Variants in DNAAF1 observed in about 807,000 individuals in gnomAD.
DNAAF1 encodes dynein assembly factor 1, axonemal.
In DNAAF1, 65 loss-of-function variants were observed where a neutral mutation model predicts 71.1. The ratio of observed to expected loss-of-function variants is 0.91; its 90% CI spans 0.75 to 1.12. The LOEUF is 1.12. Among genes scored for constraint, DNAAF1 ranks in the 50% most tolerant of loss-of-function variants. The probability of loss-of-function intolerance (pLI) is 0.00; values close to 1 mark genes in which losing one functional copy is unlikely to be tolerated. For synonymous variants in DNAAF1, 414 were observed against 354.6 expected (o/e 1.17, Z -1.88); for missense variants, 1,178 against 899.8 (o/e 1.31, Z -3.96).
At chr16:84,164,581 T>G (rs970574779) in intron 6 of DNAAF1, among the ~76,000 whole-genome samples, 5 of 152,218 alleles carry the variant, frequency 3.3e-5, no homozygotes, top group Admixed American at 3.3e-4. Context: ...TCCATGACTT[T>G]GTGTGGCTTG....
At chr16:84,163,118 G>C (rs892642175) in intron 6 of DNAAF1, among the ~76,000 whole-genome samples, 4 of 152,168 alleles carry the variant, frequency 2.6e-5, no homozygotes, top group Admixed American at 2.6e-4. Context: ...TCAGAAATTA[G>C]GGTTGTTTTC....
At chr16:84,146,546 G>A (rs2086920392) in intron 1 of DNAAF1, among the ~76,000 whole-genome samples, 2 of 152,124 alleles carry the variant, frequency 1.3e-5, no homozygotes, top group African/African-American at 4.8e-5. Flanking sequence ...TTGAAACCCT[G>A]TCTTTGCTAA....
At chr16:84,146,645 A>G (rs2086925958) in intron 1 of DNAAF1, among the ~76,000 whole-genome samples, 1 of 151,974 alleles carries the variant, frequency 6.6e-6, no homozygotes, top group Admixed American at 6.6e-5. Context: ...TGAACCCCGG[A>G]GGCAGAGGTT....
chr16:84,176,548 T>C, intron 11 of DNAAF1: 1 of 598,102 alleles, frequency 1.7e-6, no homozygotes, highest in Admixed American at 2.7e-5. Flanking sequence ...CGAGTCTGAC[T>C]GTGTGTGGGG....
chr16:84,162,545 G>T (rs575686689), intron 6 of DNAAF1, among the ~76,000 whole-genome samples: 1 of 152,100 alleles, frequency 6.6e-6, no homozygotes, highest in South Asian at 2.1e-4. Flanking sequence ...TACTGGATGG[G>T]CATGGTGGCT....
chr16:84,165,811 G>A lies in DNAAF1; in HGVS notation c.892G>A (p.Gly298Arg), dbSNP rs1232153748. The change falls in exon 7 of 12, where the codon GGG becomes AGG. Residue 298 changes from glycine to arginine, a missense_variant. By Grantham distance (125) the Gly-to-Arg change is moderately radical. Transcript: ENST00000378553. Reference sequence around the variant, plus strand: ...TTGTGCGGAGGCCTGGGCTAGGGGAGGGTACGCAGCTGAAAAGGAGGAGAG... The same window carrying A: ...TTGTGCGGAGGCCTGGGCTAGGGGAAGGTACGCAGCTGAAAAGGAGGAGAG... ...RACAEAWARG[G>R]YAAEKEERQQ... The A allele has an allele frequency of 3.7e-6, 6 of 1,613,700 alleles. No homozygotes were observed. The African/African-American group carries it at 4.0e-5, about 11-fold the overall frequency.
At chr16:84,151,641 C>G (rs1460585996) in intron 3 of DNAAF1, among the ~76,000 whole-genome samples, 1 of 152,226 alleles carries the variant, frequency 6.6e-6, no homozygotes, top group African/African-American at 2.4e-5. Context: ...GCAACTTCAA[C>G]TCATGATCTC....
At chr16:84,149,194 C>T (rs760495385) in intron 2 of DNAAF1, 52 bp downstream of exon 2, 11 of 1,602,728 alleles carry the variant, frequency 6.9e-6, no homozygotes, top group East Asian at 4.5e-5. Context: ...AGGTAGATGG[C>T]GTAATCACCC....
At chr16:84,154,093 C>T (rs1264626480) in intron 3 of DNAAF1, among the ~76,000 whole-genome samples, 1 of 152,142 alleles carries the variant, frequency 6.6e-6, no homozygotes, top group African/African-American at 2.4e-5. Flanking sequence ...AGAAAAGTTG[C>T]TACTGGAGGA....
At chr16:84,172,405 G>T in intron 9 of DNAAF1, 30 bp downstream of exon 9, 1 of 1,611,262 alleles carries the variant, frequency 6.2e-7, no homozygotes, top group Non-Finnish European at 8.5e-7. Context: ...TTGGAGATAA[G>T]TATCAGTTTT....
At chr16:84,168,075 G>A (rs1469348326) in intron 7 of DNAAF1, among the ~76,000 whole-genome samples, 1 of 151,886 alleles carries the variant, frequency 6.6e-6, no homozygotes, top group East Asian at 1.9e-4. Flanking sequence ...TGGGTCAGAA[G>A]CCCAAAATGG....
chr16:84,176,256 C>T lies in DNAAF1; in HGVS notation c.2022C>T (p.Ser674=). Reference sequence around the variant, plus strand: ...AAAGAGATGCTGCACCACTCACTTCCAGTGGAGACAGGGACAGCGACTTCC... The same window carrying T: ...AAAGAGATGCTGCACCACTCACTTCTAGTGGAGACAGGGACAGCGACTTCC... ...TCQRDAAPLT[S]SGDRDSDFLA... is the part of the protein sequence containing the mutation. The change falls in exon 11 of 12, where the codon TCC becomes TCT. Residue 674 remains serine, a synonymous_variant. Coordinates refer to ENST00000378553, the MANE Select transcript of DNAAF1 (RefSeq NM_178452.6). The T allele has an allele frequency of 1.2e-6, 2 of 1,613,648 alleles. No homozygotes were observed. Among genetic ancestry groups the T allele is most frequent in the Non-Finnish European group, 8.5e-7 (1 of 1,180,020 alleles).
intron 3 of DNAAF1, among the ~76,000 whole-genome samples, chr16:84,154,070 G>T (rs1413276615): frequency 6.6e-6 from 1 of 152,200 alleles, no homozygotes; most frequent in Non-Finnish European, 1.5e-5. Context: ...TTAGGAAAAG[G>T]ATGGTTCCTC....
chr16:84,150,977 T>C (rs1327309787), intron 3 of DNAAF1, among the ~76,000 whole-genome samples: 1 of 152,038 alleles, frequency 6.6e-6, no homozygotes, highest in Non-Finnish European at 1.5e-5. Flanking sequence ...GAGGTATATG[T>C]TGGGAAGGAT....
rs2088260630 is a variant in DNAAF1, at chr16:84,170,296, C to T, written c.1468C>T (p.Pro490Ser). 1 of 1,612,044 alleles carries T rather than the reference C, an allele frequency of 6.2e-7. No individual in the cohort carries two copies. Among genetic ancestry groups the T allele is most frequent in the African/African-American group, 1.3e-5 (1 of 74,884 alleles). The change falls in exon 8 of 12, where the codon CCA becomes TCA. Residue 490 changes from proline (P) to serine (S), a missense_variant. Coordinates refer to ENST00000378553, the MANE Select transcript of DNAAF1 (RefSeq NM_178452.6). ...KVKGEDGDREPEGTLPAEAPP... is the reference protein window; with the variant it reads ...KVKGEDGDRESEGTLPAEAPP... ...TAAAGGAGAGGATGGAGATCGAGAG[C>T]CAGAGGGGACCCTCCCAGCTGAGGC...
chr16:84,168,208 C>T (rs1428869630), intron 7 of DNAAF1, among the ~76,000 whole-genome samples: 1 of 152,260 alleles, frequency 6.6e-6, no homozygotes, highest in Admixed American at 6.5e-5. Flanking sequence ...GCTCGTGGCC[C>T]CTTCTTCCAA....
At position 84,154,718 on chromosome 16, in the gene DNAAF1, A is replaced by G; in HGVS notation, c.494A>G (p.Lys165Arg). The change falls in exon 4 of 12, where the codon AAA (lysine) becomes AGA (arginine). Residue 165 changes from lysine (K) to arginine (R), a missense_variant. By Grantham distance (26) the Lys-to-Arg change is conservative. Coordinates refer to ENST00000378553, the MANE Select transcript of DNAAF1 (RefSeq NM_178452.6). ...CLFLQMNLLR[K>R]IENLEPLQKL... Reference sequence around the variant, plus strand: ...TTCTTGCAAATGAACTTGCTCCGTAAAATTGAGAACCTGGAACCTCTGCAG... The same window carrying G: ...TTCTTGCAAATGAACTTGCTCCGTAGAATTGAGAACCTGGAACCTCTGCAG... The G allele has an allele frequency of 2.5e-6, 4 of 1,614,116 alleles. No homozygotes were observed. The highest frequency in any genetic ancestry group is 3.4e-6 in the Non-Finnish European group (4 of 1,180,030).
rs1479494567 is a variant in DNAAF1 at position 84,177,618 on chromosome 16, C to T, written c.2066-111C>T. 3 of 890,810 alleles carry T rather than the reference C, an allele frequency of 3.4e-6. No individual in the cohort carries two copies. The East Asian group carries it at 7.3e-5, about 22-fold the overall frequency. 55.2% of individuals were successfully genotyped at this position (890,810 alleles called of 1,614,324 possible). A position where few individuals can be genotyped will look rare whatever the true frequency, so the allele number is the denominator to read the frequency against. ...TGCTGGGATTACAGGTATGAGCCACCACGCCCAGTTGAGGACACTGAATTT... is the reference window on the plus strand; with the variant it reads ...TGCTGGGATTACAGGTATGAGCCACTACGCCCAGTTGAGGACACTGAATTT... On this transcript the variant is annotated intron_variant, in intron 11 of 11. Coordinates refer to ENST00000378553, the MANE Select transcript of DNAAF1 (RefSeq NM_178452.6).
Position 84,145,638 on chromosome 16 carries a change from C to T in DNAAF1, c.124+74C>T. ...TAGGCGCTCCAGCCCCCTTCCCACA[C>T]CACATACCCGATCTTCACAGCCAAA... On this transcript the variant is annotated intron_variant, in intron 1 of 11. Coordinates refer to ENST00000378553, the MANE Select transcript of DNAAF1 (RefSeq NM_178452.6). 3 of 1,491,602 alleles carry T rather than the reference C, an allele frequency of 2.0e-6. No individual in the cohort carries two copies. In the South Asian group the frequency reaches 3.7e-5, roughly 18 times the overall value. 92.4% of individuals were successfully genotyped at this position (1,491,602 alleles called of 1,614,324 possible).
Sources: allele counts gnomAD v4.1 joint callset (sites outside exome capture counted in the v4.1 genomes callset), GRCh38; gene constraint gnomAD v4.1.1; transcripts MANE v1.5; gene names NCBI Gene and HGNC (gene_info 2026-07-23, HGNC 2026-07-21).